Variants in TBC1D5 observed in about 807,000 individuals in gnomAD.
TBC1D5 encodes TBC1 domain family, member 5.
A neutral mutation model predicts 100.3 loss-of-function variants in TBC1D5; 75 were observed. The observed-to-expected ratio is 0.75, with a 90% CI of 0.62 to 0.91. TBC1D5 has a LOEUF of 0.91. Among genes scored for constraint, TBC1D5 ranks in the 40% least tolerant of loss-of-function variants. The probability of loss-of-function intolerance (pLI) is 0.00; values close to 1 mark genes in which losing one functional copy is unlikely to be tolerated. For missense variants in TBC1D5, 910 were observed against 942.4 expected (o/e 0.97, Z 0.45); for synonymous variants, 323 against 325.6 (o/e 0.99, Z 0.09).
chr3:17,493,895 C>A (rs1231635679), intron 3 of TBC1D5, among the ~76,000 whole-genome samples: 1 of 152,176 alleles, frequency 6.6e-6, no homozygotes, highest in Admixed American at 6.5e-5. Context: ...CAGCGAAGTT[C>A]ACTGTTACCC....
At chr3:17,208,588 C>T (rs564720127) in intron 18 of TBC1D5, among the ~76,000 whole-genome samples, 6 of 152,360 alleles carry the variant, frequency 3.9e-5, no homozygotes, top group African/African-American at 1.4e-4. Flanking sequence ...CTACTTCCTT[C>T]CCCAAAGTTA....
At chr3:17,197,664 G>A (rs1191572604) in intron 18 of TBC1D5, among the ~76,000 whole-genome samples, 1 of 152,116 alleles carries the variant, frequency 6.6e-6, no homozygotes, top group East Asian at 1.9e-4. Context: ...GAGTTACTGT[G>A]CCTAGACTCC....
intron 1 of TBC1D5, among the ~76,000 whole-genome samples, chr3:17,696,116 T>G (rs1423898123): frequency 6.6e-6 from 1 of 152,126 alleles, no homozygotes; most frequent in East Asian, 1.9e-4. Flanking sequence ...AGAGGGAAAT[T>G]TATAGCTCTA....
chr3:17,522,307 T>C (rs1039867881), intron 2 of TBC1D5, among the ~76,000 whole-genome samples: 1 of 152,196 alleles, frequency 6.6e-6, no homozygotes, highest in African/African-American at 2.4e-5. Context: ...ACTGTTTAGG[T>C]TGCCCATGTA....
At chr3:17,565,984 T>C (rs953684571) in intron 2 of TBC1D5, among the ~76,000 whole-genome samples, 1 of 152,022 alleles carries the variant, frequency 6.6e-6, no homozygotes, top group Non-Finnish European at 1.5e-5. Context: ...AAGCACTCAG[T>C]ATTCTACGGA....
At chr3:17,632,524 C>A (rs1181384383) in intron 1 of TBC1D5, among the ~76,000 whole-genome samples, 1 of 152,138 alleles carries the variant, frequency 6.6e-6, no homozygotes. Context: ...TGCTATCAAA[C>A]CTAATCACAT....
At chr3:17,248,003 T>TC (rs1475067418) in intron 16 of TBC1D5, among the ~76,000 whole-genome samples, 1 of 151,944 alleles carries the variant, frequency 6.6e-6, no homozygotes, top group African/African-American at 2.4e-5. Context: ...TTTTTTTTTT[T>TC]TTCTTCTAAA....
chr3:17,251,434 C>CA (rs201785106), intron 16 of TBC1D5, among the ~76,000 whole-genome samples: 1 of 145,326 alleles, frequency 6.9e-6, no homozygotes, highest in Non-Finnish European at 1.5e-5. Context: ...AACCCCCCCC[C>CA]CCCCAGTAGA....
chr3:17,181,448 G>T (rs1478517367), intron 19 of TBC1D5, among the ~76,000 whole-genome samples: 1 of 152,188 alleles, frequency 6.6e-6, no homozygotes, highest in East Asian at 1.9e-4. Flanking sequence ...TGATACTAGG[G>T]TTTAAAAATA....
intron 13 of TBC1D5, among the ~76,000 whole-genome samples, chr3:17,331,184 C>T (rs758826720): frequency 6.6e-6 from 1 of 152,140 alleles, no homozygotes; most frequent in Non-Finnish European, 1.5e-5. Context: ...AACTCTTAAC[C>T]GAGATGGTAA....
chr3:17,184,519 A>C (rs532723410), intron 19 of TBC1D5: 1 of 152,056 alleles, frequency 6.6e-6, no homozygotes, highest in African/African-American at 2.4e-5. Flanking sequence ...GCTTTTAAAG[A>C]ATTTTTTATT....
chr3:17,654,368 G>A (rs2065860452), intron 1 of TBC1D5, among the ~76,000 whole-genome samples: 1 of 152,100 alleles, frequency 6.6e-6, no homozygotes, highest in Admixed American at 6.6e-5. Flanking sequence ...AAATCAGTTT[G>A]TGTCTGGACA....
chr3:17,681,220 G>A (rs977800877), intron 1 of TBC1D5, among the ~76,000 whole-genome samples: 1 of 151,350 alleles, frequency 6.6e-6, no homozygotes, highest in East Asian at 1.9e-4. Context: ...TTTTTTGTTA[G>A]GTATAATAGG....
chr3:17,242,353 A>C (rs1318525647), intron 16 of TBC1D5, among the ~76,000 whole-genome samples: 1 of 152,144 alleles, frequency 6.6e-6, no homozygotes, highest in Non-Finnish European at 1.5e-5. Context: ...ATTTGATATT[A>C]AATATGTAAT....
At chr3:17,216,640 G>GCCTTTATTT (rs1166318068) in intron 17 of TBC1D5, among the ~76,000 whole-genome samples, 2 of 151,926 alleles carry the variant, frequency 1.3e-5, no homozygotes, top group African/African-American at 4.8e-5. Flanking sequence ...TTCCACCTAG[G>GCCTTTATTT]CCTTTATTTC....
chr3:17,685,137 A>T lies in TBC1D5; in HGVS notation c.-101+54206T>A, dbSNP rs140540535. ...GCACATAATACACAAACATTCTACC[A>T]CTGGTAACTCTAAATAGGTAAATTT... On this transcript the variant is annotated intron_variant, in intron 1 of 21. Coordinates refer to ENST00000253692, the Ensembl canonical transcript of TBC1D5. Among the ~76,000 whole-genome samples the T allele has an allele frequency of 3.3e-3, 507 of 152,076 alleles. 9 individuals are homozygous for T. Among genetic ancestry groups the T allele is most frequent in the South Asian group, 2.9e-3 (14 of 4,824 alleles).
chr3:17,160,154 T>TAC (rs2065910107), exon 22 of TBC1D5: 1 of 152,238 alleles, frequency 6.6e-6, no homozygotes, highest in African/African-American at 2.4e-5. Context: ...AAAACTGGCT[T>TAC]ACAGTAATCT....
At chr3:17,383,225 T>G (rs2093021113) in intron 9 of TBC1D5, among the ~76,000 whole-genome samples, 1 of 151,948 alleles carries the variant, frequency 6.6e-6, no homozygotes, top group African/African-American at 2.4e-5. Context: ...ATTATAACTT[T>G]TGATTATTAG....
intron 21 of TBC1D5, among the ~76,000 whole-genome samples, chr3:17,163,255 A>AC (rs56069331): frequency 9.2e-4 from 127 of 138,622 alleles, no homozygotes; most frequent in Non-Finnish European, 1.3e-3. Context: ...TCTTTTATTG[A>AC]CCCCCCCCCC....
Sources: gnomAD v4.1 joint callset for allele counts (sites outside exome capture counted in the v4.1 genomes callset) on GRCh38, gnomAD v4.1.1 for gene constraint, MANE v1.5 for transcripts, NCBI Gene and HGNC (gene_info 2026-07-23, HGNC 2026-07-21) for gene names.